FBXO8: variants seen among roughly 807,000 people sequenced by gnomAD.
FBXO8 encodes F-box protein 8, also known as F-box only protein 8.
In FBXO8, 15 loss-of-function variants were observed where a neutral mutation model predicts 33.4. That is an observed-to-expected ratio of 0.45 (90% CI 0.30 to 0.69). FBXO8 has a LOEUF of 0.69. Among genes scored for constraint, FBXO8 ranks in the 30% least tolerant of loss-of-function variants. The pLI, the probability that FBXO8 is intolerant of heterozygous loss-of-function variation, is 0.08. For synonymous variants in FBXO8, 132 were observed against 131.5 expected (o/e 1.00, Z -0.02); for missense variants, 274 against 380.3 (o/e 0.72, Z 2.32).
rs1034894991 is a variant in FBXO8, at chr4:174,262,577, C to T, written c.329+187G>A. On this transcript the variant is annotated intron_variant, in intron 2 of 5. Transcript: ENST00000393674. This position sits in a 1 kb window ranked among gnomAD's most constrained non-coding sequence, Gnocchi z 4.6. ...AGTTATTATTCTATTTTCTATTGTC[C>T]TCCTTTTCACAAGATCAAATTTGAC... is the stretch of plus-strand genomic sequence containing the variant. Among the ~76,000 whole-genome samples the T allele has an allele frequency of 1.3e-5, 2 of 152,122 alleles. No homozygotes were observed. Among genetic ancestry groups the T allele is most frequent in the Non-Finnish European group, 2.9e-5 (2 of 68,024 alleles).
intron 1 of FBXO8, among the ~76,000 whole-genome samples, chr4:174,264,999 G>A (rs891346759): frequency 6.6e-5 from 10 of 151,980 alleles, no homozygotes; most frequent in African/African-American, 2.4e-4. Flanking sequence ...TACACAAATG[G>A]CAAATAAGCA....
At chr4:174,279,209 T>A (rs1486224377) in intron 1 of FBXO8, among the ~76,000 whole-genome samples, 1 of 152,108 alleles carries the variant, frequency 6.6e-6, no homozygotes, top group East Asian at 1.9e-4. Context: ...AAATAAGTCG[T>A]ATTTCTATAC....
In FBXO8 at chr4:174,259,898, T is replaced by C; in HGVS notation, c.330-73A>G. Reference sequence around the variant, plus strand: ...TTCCTAAGTTAAATATGCATATACATGCAAAAATAGTAACATGAAATAAGA... The same window carrying C: ...TTCCTAAGTTAAATATGCATATACACGCAAAAATAGTAACATGAAATAAGA... On this transcript the variant is annotated intron_variant, in intron 2 of 5. Transcript: ENST00000393674. This position sits in a 1 kb window ranked among gnomAD's most constrained non-coding sequence, Gnocchi z 4.3. 2 of 1,363,648 alleles carry C rather than the reference T, an allele frequency of 1.5e-6. No homozygotes were observed. Among genetic ancestry groups the C allele is most frequent in the East Asian group, 2.5e-5 (1 of 39,808 alleles). The allele number at this position is 1,363,648 out of a possible 1,614,324, so 84.5% of individuals were successfully genotyped here. A position where few individuals can be genotyped will look rare whatever the true frequency, so the allele number is the denominator to read the frequency against.
In FBXO8 at chr4:174,255,936, A is replaced by G. The variant is rs1459143072; in HGVS notation, c.456+3763T>C. ...ACTAGAATGTGGCCACCTGCCACAAAGTACACAAGCTCATGCACAAGATCA... is the reference window on the plus strand; with the variant it reads ...ACTAGAATGTGGCCACCTGCCACAAGGTACACAAGCTCATGCACAAGATCA... On this transcript the variant is annotated intron_variant, in intron 3 of 5. Transcript: ENST00000393674. This position sits in a 1 kb window ranked among gnomAD's most constrained non-coding sequence, Gnocchi z 4.3. The G allele has an allele frequency of 7.8e-6, 2 of 255,958 alleles. No individual in the cohort carries two copies. The highest frequency in any genetic ancestry group is 4.5e-5 in the South Asian group (1 of 22,144). The allele number at this position is 255,958 out of a possible 1,614,324, so 15.9% of individuals were successfully genotyped here.
At position 174,265,716 on chromosome 4, in the gene FBXO8, A is replaced by C. The variant is rs1351579020; in HGVS notation, c.-8-2616T>G. Among the ~76,000 whole-genome samples the C allele has an allele frequency of 1.3e-5, 2 of 152,224 alleles. No homozygotes were observed. Among genetic ancestry groups the C allele is most frequent in the Non-Finnish European group, 2.9e-5 (2 of 68,018 alleles). On this transcript the variant is annotated intron_variant, in intron 1 of 5. Transcript: ENST00000393674. The surrounding 1 kb of genome is among the most constrained non-coding windows in gnomAD (Gnocchi z 4.7). Reference sequence around the variant, plus strand: ...AAAAAATAGAGAATGTCAACAAAAAATTATAAGTACAAGTTTTATATTTGT... The same window carrying C: ...AAAAAATAGAGAATGTCAACAAAAACTTATAAGTACAAGTTTTATATTTGT...
chr4:174,266,606 T>C (rs1736701409), intron 1 of FBXO8, among the ~76,000 whole-genome samples: 1 of 152,108 alleles, frequency 6.6e-6, no homozygotes, highest in African/African-American at 2.4e-5. Flanking sequence ...GTGACATCCA[T>C]TGTATAAGTT....
At chr4:174,266,812 TTAAG>T (rs144641740) in intron 1 of FBXO8, among the ~76,000 whole-genome samples, 478 of 152,328 alleles carry the variant, frequency 3.1e-3, no homozygotes, top group African/African-American at 0.01. Flanking sequence ...AGCTATTGTG[TTAAG>T]TAAGATAATG....
At chr4:174,244,962 A>G (rs1215513896) in intron 3 of FBXO8, among the ~76,000 whole-genome samples, 1 of 151,834 alleles carries the variant, frequency 6.6e-6, no homozygotes, top group Non-Finnish European at 1.5e-5. Context: ...TAGCTTGTAA[A>G]ATAGATATAT....
intron 4 of FBXO8, 146 bp from the exon 5 acceptor site, chr4:174,239,336 C>A (rs41279509): frequency 0.29 from 125,714 of 432,384 alleles, 21,726 homozygotes; most frequent in Non-Finnish European, 0.36. Context: ...TATATAATTC[C>A]CAACATTAAA....
intron 1 of FBXO8, among the ~76,000 whole-genome samples, chr4:174,271,581 C>A (rs919027767): frequency 3.3e-5 from 5 of 152,030 alleles, no homozygotes; most frequent in African/African-American, 7.2e-5. Flanking sequence ...CTCACTCAGG[C>A]AAAATGAAGA....
At position 174,259,634 on chromosome 4, in the gene FBXO8, T is replaced by C. The variant is rs1270444836; in HGVS notation, c.456+65A>G. Reference sequence around the variant, plus strand: ...TTGTTTTCCCTGCTAGTTTATGATATTGGAAAGCTGCAGCAAGATAGTAAT... The same window carrying C: ...TTGTTTTCCCTGCTAGTTTATGATACTGGAAAGCTGCAGCAAGATAGTAAT... On this transcript the variant is annotated intron_variant, in intron 3 of 5. Coordinates refer to ENST00000393674, the MANE Select transcript of FBXO8 (RefSeq NM_012180.3). The surrounding 1 kb of genome is among the most constrained non-coding windows in gnomAD (Gnocchi z 4.3). The C allele has an allele frequency of 6.4e-6, 10 of 1,554,430 alleles. No individual in the cohort carries two copies. The Admixed American group carries it at 6.7e-5, about 10-fold the overall frequency.
In FBXO8 at chr4:174,257,178, A is replaced by C. The variant is rs1265667585; in HGVS notation, c.456+2521T>G. On this transcript the variant is annotated intron_variant, in intron 3 of 5. Transcript: ENST00000393674. The surrounding 1 kb of genome is among the most constrained non-coding windows in gnomAD (Gnocchi z 4.3). ...TGATATTGGTAGCTGCAAGGATGAA[A>C]ACCTATTTATATGTCTAGCTTTTCC... Among the ~76,000 whole-genome samples, 1 of 152,128 alleles carries C rather than the reference A, an allele frequency of 6.6e-6. No homozygotes were observed. Among genetic ancestry groups the C allele is most frequent in the African/African-American group, 2.4e-5 (1 of 41,444 alleles).
Position 174,277,366 on chromosome 4 carries a change from T to C in FBXO8, c.-9+6044A>G, listed in dbSNP as rs1736983080. ...CAGCTTTAATCAAACTATCTCTCTG[T>C]AACAAGTTAAACACCAAAATAAAGT... On this transcript the variant is annotated intron_variant, in intron 1 of 5. Transcript: ENST00000393674. The surrounding 1 kb of genome is among the most constrained non-coding windows in gnomAD (Gnocchi z 4.9). 6.6e-6 allele frequency among the ~76,000 whole-genome samples: 1 copy of C among 152,162 alleles called. No individual in the cohort carries two copies. Among genetic ancestry groups the C allele is most frequent in the Non-Finnish European group, 1.5e-5 (1 of 68,000 alleles).
chr4:174,242,182 C>T (rs1357429492), intron 3 of FBXO8, among the ~76,000 whole-genome samples: 4 of 151,534 alleles, frequency 2.6e-5, no homozygotes, highest in Admixed American at 6.6e-5. Context: ...GAGAAAATGA[C>T]GTATTATATA....
chr4:174,280,655 T>C (rs1737063398), intron 1 of FBXO8, among the ~76,000 whole-genome samples: 1 of 152,092 alleles, frequency 6.6e-6, no homozygotes, highest in Non-Finnish European at 1.5e-5. Flanking sequence ...TTATGTGACC[T>C]TAAAAAGAAG....
chr4:174,241,065 C>A lies in FBXO8; in HGVS notation c.575+35G>T. On this transcript the variant is annotated intron_variant, in intron 4 of 5. Coordinates refer to ENST00000393674, the MANE Select transcript of FBXO8 (RefSeq NM_012180.3). This position sits in a 1 kb window ranked among gnomAD's most constrained non-coding sequence, Gnocchi z 4.2. Reference sequence around the variant, plus strand: ...TTAACTCATCAAAAACATTACTTAACTCATTTTGGATGAAAAGTTAATTTT... The same window carrying A: ...TTAACTCATCAAAAACATTACTTAAATCATTTTGGATGAAAAGTTAATTTT... 1.6e-6 allele frequency: 2 copies of A among 1,283,002 alleles called. No homozygotes were observed. The highest frequency in any genetic ancestry group is 2.2e-6 in the Non-Finnish European group (2 of 892,756). 79.5% of individuals were successfully genotyped at this position (1,283,002 alleles called of 1,614,324 possible). A position where few individuals can be genotyped will look rare whatever the true frequency, so the allele number is the denominator to read the frequency against.
chr4:174,282,549 A>G (rs962940736), intron 1 of FBXO8, among the ~76,000 whole-genome samples: 1 of 152,208 alleles, frequency 6.6e-6, no homozygotes, highest in African/African-American at 2.4e-5. Context: ...TCTGTTTCAC[A>G]TATCATTTTC....
At chr4:174,279,173 T>C (rs1033500949) in intron 1 of FBXO8, among the ~76,000 whole-genome samples, 4 of 152,072 alleles carry the variant, frequency 2.6e-5, no homozygotes, top group Middle Eastern at 3.4e-3. Flanking sequence ...TTCAGCAAAG[T>C]AGAAAGACAT....
Position 174,237,352 on chromosome 4 carries a change from G to T in FBXO8, c.*60C>A. 1.4e-6 allele frequency: 2 copies of T among 1,460,650 alleles called. No individual in the cohort carries two copies. Among genetic ancestry groups the T allele is most frequent in the East Asian group, 2.3e-5 (1 of 43,906 alleles). The allele number at this position is 1,460,650 out of a possible 1,614,324, so 90.5% of individuals were successfully genotyped here. On this transcript the variant is annotated 3_prime_UTR_variant, in exon 6 of 6. Coordinates refer to ENST00000393674, the MANE Select transcript of FBXO8 (RefSeq NM_012180.3). The surrounding 1 kb of genome is among the most constrained non-coding windows in gnomAD (Gnocchi z 4.4). ...CAGCACTGATGTAACCCCCATATCT[G>T]CTAAGTCCTTGGGTAGCTTTAGTCT...
Sources: allele counts gnomAD v4.1 joint callset (sites outside exome capture counted in the v4.1 genomes callset), GRCh38; gene constraint gnomAD v4.1.1; non-coding constraint Gnocchi (gnomAD v3.1); transcripts MANE v1.5; gene names NCBI Gene and HGNC (gene_info 2026-07-23, HGNC 2026-07-21).